The following NARS2 variants were observed in gnomAD, a reference collection of about 807,000 sequenced individuals.
NARS2 encodes the protein asparaginyl-tRNA synthetase 2, mitochondrial, also known as asparaginyl-tRNA synthetase.
NARS2 carries 60 observed loss-of-function variants against 62.9 expected under a neutral mutation model. That is an observed-to-expected ratio of 0.95 (90% CI 0.77 to 1.18). NARS2 has a LOEUF of 1.18. Among genes scored for constraint, NARS2 ranks in the 50% most tolerant of loss-of-function variants. NARS2 has a pLI of 0.00. For synonymous variants in NARS2, 196 were observed against 200.0 expected (o/e 0.98, Z 0.17); for missense variants, 619 against 576.4 (o/e 1.07, Z -0.76).
Position 78,528,840 on chromosome 11 carries a change from A to G in NARS2, c.689+2T>C. On this transcript the variant is annotated splice_donor_variant, in intron 6 of 13. Transcript: ENST00000281038. LOFTEE classifies it high-confidence loss of function. Reference sequence around the variant, plus strand: ...AGCAAAAGAGAAAGGAAAATTTCATACCCTGACATCACTTCTAGATGAAGT... The same window carrying G: ...AGCAAAAGAGAAAGGAAAATTTCATGCCCTGACATCACTTCTAGATGAAGT... 6.3e-7 allele frequency: 1 copy of G among 1,598,214 alleles called. No homozygotes were observed. Among genetic ancestry groups the G allele is most frequent in the Non-Finnish European group, 8.6e-7 (1 of 1,166,824 alleles).
Position 78,441,094 on chromosome 11 carries a change from T to C in NARS2, c.1286A>G (p.Gln429Arg). Residue 429 changes from glutamine to arginine, a missense_variant, in exon 13 of 14, where the codon CAA (glutamine) becomes CGA (arginine). By Grantham distance (43) the Gln-to-Arg change is conservative. Coordinates refer to ENST00000281038, the MANE Select transcript of NARS2 (RefSeq NM_024678.6). ...LARSGLTEVYQWYLDLRRFGS... is the reference protein window; with the variant it reads ...LARSGLTEVYRWYLDLRRFGS... ...TTATTAGGGGCCACATTCTTACCAT[T>C]GGTAGACTTCTGTAAGTCCCGATCT... The C allele has an allele frequency of 6.2e-7, 1 of 1,612,412 alleles. No individual in the cohort carries two copies. The highest frequency in any genetic ancestry group is 8.5e-7 in the Non-Finnish European group (1 of 1,179,320).
chr11:78,489,206 T>G (rs1040048888), intron 7 of NARS2, among the ~76,000 whole-genome samples: 3 of 152,012 alleles, frequency 2.0e-5, no homozygotes, highest in Admixed American at 1.3e-4. Flanking sequence ...AAGGAACTAG[T>G]AGCTAGAATA....
At chr11:78,539,214 G>C (rs1855515615) in intron 5 of NARS2, among the ~76,000 whole-genome samples, 1 of 151,712 alleles carries the variant, frequency 6.6e-6, no homozygotes, top group East Asian at 1.9e-4. Flanking sequence ...AAGAGTAGAA[G>C]TAGGGGCACC....
At chr11:78,482,435 T>C (rs1055852658) in intron 7 of NARS2, among the ~76,000 whole-genome samples, 1 of 151,876 alleles carries the variant, frequency 6.6e-6, no homozygotes, top group African/African-American at 2.4e-5. Context: ...AAAAAACCCT[T>C]GAAAAAAATC....
chr11:78,542,375 T>C (rs530296951), intron 5 of NARS2, among the ~76,000 whole-genome samples: 3 of 152,296 alleles, frequency 2.0e-5, no homozygotes, highest in Non-Finnish European at 2.9e-5. Flanking sequence ...AAATGTAAAA[T>C]TGCAAAACAG....
intron 4 of NARS2, among the ~76,000 whole-genome samples, chr11:78,560,737 G>A (rs866548564): frequency 6.6e-6 from 1 of 152,178 alleles, no homozygotes; most frequent in Non-Finnish European, 1.5e-5. Context: ...CTCTAAATTA[G>A]CAGTCTCAGA....
At chr11:78,457,955 T>C (rs996033255) in intron 11 of NARS2, among the ~76,000 whole-genome samples, 1 of 152,206 alleles carries the variant, frequency 6.6e-6, no homozygotes. Flanking sequence ...TGGGAAATAG[T>C]AGAACAGTGT....
intron 6 of NARS2, among the ~76,000 whole-genome samples, chr11:78,526,609 T>C (rs930628719): frequency 2.4e-4 from 37 of 152,292 alleles, no homozygotes; most frequent in African/African-American, 8.9e-4. Flanking sequence ...GTAGTACAAA[T>C]ACTTCATGGC....
chr11:78,478,578 T>G lies in NARS2; in HGVS notation c.921+7A>C, dbSNP rs1859211014. 1.3e-6 allele frequency: 2 copies of G among 1,580,144 alleles called. No homozygotes were observed. Among genetic ancestry groups the G allele is most frequent in the Non-Finnish European group, 1.7e-6 (2 of 1,151,224 alleles). ...ATGTATTGGGCTTTATCCATAAAAC[T>G]AATTACCTTTTGGCCAGGTGCTATG... On this transcript the variant is annotated splice_region_variant and intron_variant, in intron 8 of 13. Transcript: ENST00000281038.
intron 13 of NARS2, among the ~76,000 whole-genome samples, chr11:78,438,364 ATTAACT>A: frequency 6.6e-6 from 1 of 152,312 alleles, no homozygotes. Flanking sequence ...TAGTTGCTAA[ATTAACT>A]TTAAAGTTTA....
chr11:78,506,640 T>TCCA (rs1220624606), intron 6 of NARS2, among the ~76,000 whole-genome samples: 34 of 152,314 alleles, frequency 2.2e-4, no homozygotes, highest in Admixed American at 3.3e-4. Context: ...GCTCAAGCAA[T>TCCA]TCTCCTGTCT....
intron 6 of NARS2, among the ~76,000 whole-genome samples, chr11:78,504,669 C>T (rs988222954): frequency 6.6e-6 from 1 of 152,148 alleles, no homozygotes; most frequent in African/African-American, 2.4e-5. Flanking sequence ...CATACAAACA[C>T]ACATACACAT....
At chr11:78,525,324 T>TA (rs1463497437) in intron 6 of NARS2, among the ~76,000 whole-genome samples, 1 of 151,488 alleles carries the variant, frequency 6.6e-6, no homozygotes, top group Non-Finnish European at 1.5e-5. Context: ...TTACTGACTA[T>TA]AAAAAAAATA....
At chr11:78,527,472 A>G (rs1861333582) in intron 6 of NARS2, among the ~76,000 whole-genome samples, 1 of 152,184 alleles carries the variant, frequency 6.6e-6, no homozygotes. Context: ...TTCTGCTAAT[A>G]TTGCCAGTCA....
chr11:78,540,029 C>G (rs753616722), intron 5 of NARS2, among the ~76,000 whole-genome samples: 1 of 152,116 alleles, frequency 6.6e-6, no homozygotes, highest in Non-Finnish European at 1.5e-5. Context: ...CTAAACAGTC[C>G]ATGATAGACT....
intron 11 of NARS2, among the ~76,000 whole-genome samples, chr11:78,462,593 A>G (rs1253258447): frequency 1.3e-5 from 2 of 152,252 alleles, no homozygotes; most frequent in Admixed American, 6.5e-5. Flanking sequence ...AAAGCTAAAG[A>G]GAATCAGGAG....
chr11:78,445,966 A>C, intron 11 of NARS2, among the ~76,000 whole-genome samples: 1 of 151,994 alleles, frequency 6.6e-6, no homozygotes, highest in East Asian at 1.9e-4. Flanking sequence ...TCTCAAAAAA[A>C]TATATATATA....
chr11:78,458,042 T>C (rs989381724), intron 11 of NARS2, among the ~76,000 whole-genome samples: 2 of 152,162 alleles, frequency 1.3e-5, no homozygotes, highest in African/African-American at 4.8e-5. Flanking sequence ...GAATGAGTGC[T>C]GGTATTCTGC....
chr11:78,571,376 C>T lies in NARS2; in HGVS notation c.210G>A (p.Leu70=). The change falls in exon 2 of 14, where the codon TTG becomes TTA. Residue 70 remains leucine (L), a synonymous_variant. Transcript: ENST00000281038. ...LFLHVNDGSS[L]ESLQVVADSG... ...AATCTGCAACAACCTGAAGGCTTTC[C>T]AAAGATGACCCATCATTTACATGCA... 6.2e-7 allele frequency: 1 copy of T among 1,613,644 alleles called. No individual in the cohort carries two copies. The highest frequency in any genetic ancestry group is 8.5e-7 in the Non-Finnish European group (1 of 1,179,902).
Sources: gnomAD v4.1 joint callset for allele counts (sites outside exome capture counted in the v4.1 genomes callset) on GRCh38, gnomAD v4.1.1 for gene constraint, MANE v1.5 for transcripts, NCBI Gene and HGNC (gene_info 2026-07-23, HGNC 2026-07-21) for gene names.